The following FRMD3 variants were observed in gnomAD, a reference collection of about 807,000 sequenced individuals.
FRMD3 encodes FERM domain containing 3, also known as FERM domain-containing protein 3.
In FRMD3, 33 loss-of-function variants were observed where a neutral mutation model predicts 70.2. The ratio of observed to expected loss-of-function variants is 0.47; its 90% confidence interval spans 0.36 to 0.63. The LOEUF (loss-of-function observed/expected upper bound fraction) is 0.63. FRMD3 is among the 20% of genes least tolerant of loss of function. FRMD3 has a pLI of 0.00. For missense variants in FRMD3, 632 were observed against 711.4 expected, an observed-to-expected ratio of 0.89 and a Z score of 1.27; for synonymous variants, 279 against 255.9, an observed-to-expected ratio of 1.09 and a Z score of -0.86.
intron 1 of FRMD3, among the ~76,000 whole-genome samples, chr9:83,461,663 CCCTTTTTTTT>C (rs2131439259): frequency 7.9e-6 from 1 of 126,072 alleles, no homozygotes; most frequent in African/African-American, 2.9e-5. Context: ...TCAGGAATTT[CCCTTTTTTTT>C]TTTTTTTTTT....
At chr9:83,475,288 A>T (rs1206640819) in intron 1 of FRMD3, among the ~76,000 whole-genome samples, 1 of 152,084 alleles carries the variant, frequency 6.6e-6, no homozygotes, top group Admixed American at 6.5e-5. Flanking sequence ...TAATACATAT[A>T]TATTCATATA....
intron 9 of FRMD3, among the ~76,000 whole-genome samples, chr9:83,310,281 A>C (rs562797550): frequency 1.3e-5 from 2 of 152,268 alleles, no homozygotes; most frequent in East Asian, 3.9e-4. Flanking sequence ...TACAATCAGC[A>C]TTGCTTACTG....
chr9:83,266,381 G>C (rs990042298), intron 13 of FRMD3, among the ~76,000 whole-genome samples: 1 of 152,032 alleles, frequency 6.6e-6, no homozygotes, highest in Non-Finnish European at 1.5e-5. Context: ...TTAATCAATT[G>C]GTAAAAACCA....
intron 13 of FRMD3, among the ~76,000 whole-genome samples, chr9:83,277,511 C>A (rs1426718404): frequency 3.9e-5 from 6 of 152,126 alleles, no homozygotes; most frequent in African/African-American, 1.4e-4. Flanking sequence ...CCTACAGGCA[C>A]ATGCCATTAC....
the FRMD3 span, among the ~76,000 whole-genome samples, chr9:83,550,717 T>TGTGTGTGTGTGTGTGC: frequency 6.6e-6 from 1 of 151,658 alleles, no homozygotes; most frequent in South Asian, 2.1e-4. Flanking sequence ...TGTGTGTGTG[T>TGTGTGTGTGTGTGTGC]GTGTGTGCAT....
chr9:83,501,961 A>C (rs1829078714), intron 1 of FRMD3, among the ~76,000 whole-genome samples: 1 of 152,196 alleles, frequency 6.6e-6, no homozygotes, highest in South Asian at 2.1e-4. Flanking sequence ...ATTTAAGTCA[A>C]GCACCAAAAT....
At chr9:83,363,382 A>G (rs574627211) in intron 3 of FRMD3, among the ~76,000 whole-genome samples, 3 of 152,312 alleles carry the variant, frequency 2.0e-5, no homozygotes, top group Admixed American at 6.5e-5. Flanking sequence ...TCTAATGACT[A>G]TGTATACACA....
intron 1 of FRMD3, among the ~76,000 whole-genome samples, chr9:83,456,035 C>T (rs1189358336): frequency 2.6e-5 from 4 of 152,110 alleles, no homozygotes; most frequent in Non-Finnish European, 4.4e-5. Context: ...GAAAGTAAGC[C>T]TCCTCCTGCC....
intron 10 of FRMD3, among the ~76,000 whole-genome samples, chr9:83,307,730 T>C (rs1161133397): frequency 6.6e-6 from 1 of 152,202 alleles, no homozygotes; most frequent in Admixed American, 6.5e-5. Context: ...TAGATAGTGA[T>C]AATGGCTATA....
At chr9:83,253,788 T>G (rs1410780584) in intron 13 of FRMD3, among the ~76,000 whole-genome samples, 1 of 152,186 alleles carries the variant, frequency 6.6e-6, no homozygotes, top group African/African-American at 2.4e-5. Context: ...GGATTATAAA[T>G]CATGCTGCTA....
intron 13 of FRMD3, 92 bp downstream of exon 13, chr9:83,290,511 C>G: frequency 7.0e-7 from 1 of 1,425,434 alleles, no homozygotes; most frequent in Non-Finnish European, 9.9e-7. Flanking sequence ...ATACACTAAT[C>G]AATTACCCAT....
chr9:83,244,290 C>T (rs533346520), downstream of FRMD3, among the ~76,000 whole-genome samples: 3 of 152,142 alleles, frequency 2.0e-5, no homozygotes, highest in African/African-American at 7.2e-5. Context: ...TAATTTCTAG[C>T]ACTCTGAAAT....
intron 4 of FRMD3, among the ~76,000 whole-genome samples, chr9:83,349,029 CT>C (rs1180005869): frequency 6.6e-6 from 1 of 152,218 alleles, no homozygotes; most frequent in Non-Finnish European, 1.5e-5. Context: ...AAGCCAGAGC[CT>C]CATCTAGAGT....
intron 13 of FRMD3, among the ~76,000 whole-genome samples, chr9:83,283,308 A>G (rs1037899416): frequency 1.3e-5 from 2 of 152,020 alleles, no homozygotes; most frequent in East Asian, 3.9e-4. Context: ...AGGCGGGTGG[A>G]TCATGAGGTC....
rs1233511903 is a variant in FRMD3 at position 83,245,360 on chromosome 9, A to C, written c.*2558T>G. On this transcript the variant is annotated 3_prime_UTR_variant, in exon 14 of 14. Coordinates refer to ENST00000304195, the MANE Select transcript of FRMD3 (RefSeq NM_174938.6). ...CTATCTTCTAACAAAACTTAAATGG[A>C]TGTTTCTAAAAGGCTCTGATTCTAT... 2 of 985,388 alleles carry C rather than the reference A, an allele frequency of 2.0e-6. No homozygotes were observed. The highest frequency in any genetic ancestry group is 2.4e-6 in the Non-Finnish European group (2 of 829,906). The allele number at this position is 985,388 out of a possible 1,614,324, so 61.0% of individuals were successfully genotyped here. A position where few individuals can be genotyped will look rare whatever the true frequency, so the allele number is the denominator to read the frequency against.
intron 1 of FRMD3, among the ~76,000 whole-genome samples, chr9:83,483,300 T>G (rs1417253742): frequency 6.6e-6 from 1 of 152,166 alleles, no homozygotes; most frequent in African/African-American, 2.4e-5. Flanking sequence ...GTAAGTTTCC[T>G]AAGGCCTTCC....
At chr9:83,577,270 A>G in the FRMD3 span, among the ~76,000 whole-genome samples, 2 of 152,070 alleles carry the variant, frequency 1.3e-5, no homozygotes, top group Non-Finnish European at 1.5e-5. Context: ...AGCCAAAATC[A>G]TCTTACAAAT....
intron 1 of FRMD3, among the ~76,000 whole-genome samples, chr9:83,514,156 T>C (rs905128088): frequency 4.6e-5 from 7 of 152,056 alleles, no homozygotes; most frequent in African/African-American, 1.7e-4. Flanking sequence ...AGGGAGCCAA[T>C]AGGTCTTGCT....
At chr9:83,565,624 G>A in the FRMD3 span, among the ~76,000 whole-genome samples, 1 of 152,186 alleles carries the variant, frequency 6.6e-6, no homozygotes, top group Non-Finnish European at 1.5e-5. Context: ...AAATCTGACT[G>A]TCCCAGTCCC....
Sources: allele counts gnomAD v4.1 joint callset (sites outside exome capture counted in the v4.1 genomes callset), GRCh38; gene constraint gnomAD v4.1.1; transcripts MANE v1.5; gene names NCBI Gene and HGNC (gene_info 2026-07-23, HGNC 2026-07-21).